The following PRELID2 variants were observed in gnomAD, a reference collection of about 807,000 sequenced individuals.
PRELID2 encodes the protein PRELI domain containing 2.
PRELID2 carries 25 observed loss-of-function variants against 28.4 expected under a neutral mutation model. That is an observed-to-expected ratio of 0.88 (90% CI 0.64 to 1.23). The LOEUF (loss-of-function observed/expected upper bound fraction) is 1.23. Ranked by LOEUF, PRELID2 falls within the 50% of genes most tolerant of loss-of-function variation. PRELID2 has a pLI of 0.00. For synonymous variants in PRELID2, 76 were observed against 71.6 expected, an observed-to-expected ratio of 1.06 and a Z score of -0.31; for missense variants, 201 against 214.4, an observed-to-expected ratio of 0.94 and a Z score of 0.39.
At chr5:145,530,201 C>T (rs1236755425) in intron 1 of PRELID2, among the ~76,000 whole-genome samples, 4 of 152,098 alleles carry the variant, frequency 2.6e-5, no homozygotes, top group Non-Finnish European at 4.4e-5. Context: ...AATACATTTA[C>T]AGTAGATAGA....
At chr5:145,661,859 T>C (rs1754501748) in intron 1 of PRELID2, among the ~76,000 whole-genome samples, 1 of 151,870 alleles carries the variant, frequency 6.6e-6, no homozygotes, top group South Asian at 2.1e-4. Context: ...AAAAAATAGA[T>C]TATATTTTCT....
At chr5:145,433,958 C>T in the PRELID2 span, among the ~76,000 whole-genome samples, 7 of 152,266 alleles carry the variant, frequency 4.6e-5, no homozygotes, top group South Asian at 2.1e-4. Flanking sequence ...CTCTGACCAC[C>T]GCAGGCAGTC....
chr5:145,470,770 A>G (rs1359843591), downstream of PRELID2, among the ~76,000 whole-genome samples: 1 of 152,108 alleles, frequency 6.6e-6, no homozygotes. Context: ...GATCTGCACA[A>G]GTCAGTTTTG....
the PRELID2 span, among the ~76,000 whole-genome samples, chr5:145,304,174 T>C: frequency 2.2e-3 from 340 of 152,326 alleles, 2 homozygotes; most frequent in African/African-American, 7.8e-3. Flanking sequence ...GGATAATATA[T>C]GTATTAAACA....
intron 1 of PRELID2, among the ~76,000 whole-genome samples, chr5:145,696,545 T>C (rs1029015313): frequency 1.3e-4 from 20 of 152,240 alleles, no homozygotes; most frequent in Admixed American, 1.3e-3. Context: ...TACTGAACCC[T>C]CGATCTCCCA....
At chr5:145,620,663 G>A (rs558522688) in intron 1 of PRELID2, among the ~76,000 whole-genome samples, 26 of 152,262 alleles carry the variant, frequency 1.7e-4, no homozygotes, top group Non-Finnish European at 7.4e-5. Flanking sequence ...TTGAGCCCAG[G>A]AGTTTGAGAA....
the PRELID2 span, among the ~76,000 whole-genome samples, chr5:145,271,843 C>T: frequency 5.3e-5 from 8 of 152,190 alleles, no homozygotes. Flanking sequence ...ATAACTATCT[C>T]TCTGAGGTGT....
the PRELID2 span, among the ~76,000 whole-genome samples, chr5:145,465,564 T>C: frequency 6.6e-6 from 1 of 152,118 alleles, no homozygotes; most frequent in Non-Finnish European, 1.5e-5. Context: ...TTACTACTGA[T>C]GTGACCCCGG....
At chr5:145,553,593 C>T (rs963648981) in intron 1 of PRELID2, among the ~76,000 whole-genome samples, 4 of 152,186 alleles carry the variant, frequency 2.6e-5, no homozygotes, top group African/African-American at 9.7e-5. Flanking sequence ...AATGCTATTA[C>T]TCGGAGGGAG....
At chr5:145,347,489 T>A in the PRELID2 span, among the ~76,000 whole-genome samples, 1 of 152,184 alleles carries the variant, frequency 6.6e-6, no homozygotes, top group Admixed American at 6.6e-5. Context: ...AACCTGGGCT[T>A]CCTCTTTGGA....
At chr5:145,732,243 G>A (rs1756367258) in intron 1 of PRELID2, among the ~76,000 whole-genome samples, 1 of 152,150 alleles carries the variant, frequency 6.6e-6, no homozygotes, top group Non-Finnish European at 1.5e-5. Flanking sequence ...CAGTTTTCAT[G>A]TCCTGAGCCT....
intron 1 of PRELID2, among the ~76,000 whole-genome samples, chr5:145,591,639 T>G (rs1264121647): frequency 6.6e-6 from 1 of 152,114 alleles, no homozygotes; most frequent in Non-Finnish European, 1.5e-5. Context: ...CTTGAGAATT[T>G]TTTTCATAAA....
chr5:145,342,706 A>ATT, the PRELID2 span, among the ~76,000 whole-genome samples: 1 of 146,856 alleles, frequency 6.8e-6, no homozygotes, highest in East Asian at 2.0e-4. Context: ...TGGGGGTGTC[A>ATT]TTTTTTTTTT....
chr5:145,702,073 A>ACC (rs1330835242), intron 1 of PRELID2, among the ~76,000 whole-genome samples: 1 of 151,878 alleles, frequency 6.6e-6, no homozygotes, highest in African/African-American at 2.4e-5. Flanking sequence ...ATATATATAT[A>ACC]CACACACACA....
chr5:145,534,384 T>C (rs569126123), intron 1 of PRELID2, among the ~76,000 whole-genome samples: 1 of 152,204 alleles, frequency 6.6e-6, no homozygotes, highest in East Asian at 1.9e-4. Context: ...GTCTTAACTA[T>C]TTCACTTTGC....
At chr5:145,356,212 A>T in the PRELID2 span, among the ~76,000 whole-genome samples, 1 of 152,168 alleles carries the variant, frequency 6.6e-6, no homozygotes, top group African/African-American at 2.4e-5. Context: ...CAAGTATTTC[A>T]GGTTGGGTTT....
At chr5:145,338,925 ACT>A in the PRELID2 span, among the ~76,000 whole-genome samples, 1 of 152,238 alleles carries the variant, frequency 6.6e-6, no homozygotes, top group African/African-American at 2.4e-5. Context: ...ATCAAGCCTT[ACT>A]GCGTGGAATT....
At chr5:145,517,636 A>T (rs956469033) in intron 1 of PRELID2, among the ~76,000 whole-genome samples, 21 of 152,200 alleles carry the variant, frequency 1.4e-4, no homozygotes, top group Non-Finnish European at 2.6e-4. Flanking sequence ...CCATTCCATT[A>T]CTGGGTATAT....
chr5:145,589,726 T>C (rs1753202784), intron 1 of PRELID2, among the ~76,000 whole-genome samples: 1 of 152,202 alleles, frequency 6.6e-6, no homozygotes, highest in Admixed American at 6.6e-5. Flanking sequence ...TTTTCTTTTG[T>C]GATTTCTTAT....
Sources: gnomAD v4.1 joint callset for allele counts (sites outside exome capture counted in the v4.1 genomes callset) on GRCh38, gnomAD v4.1.1 for gene constraint, MANE v1.5 for transcripts, NCBI Gene and HGNC (gene_info 2026-07-23, HGNC 2026-07-21) for gene names.